The following GALK2 variants were observed in gnomAD, a reference collection of about 807,000 sequenced individuals.
GALK2 encodes the protein N-acetylgalactosamine kinase.
A neutral mutation model predicts 52.4 loss-of-function variants in GALK2; 36 were observed. That is an observed-to-expected ratio of 0.69 (90% CI 0.53 to 0.91). The LOEUF (loss-of-function observed/expected upper bound fraction) is 0.91, where lower values mean the gene tolerates loss of function less well. Among genes scored for constraint, GALK2 ranks in the 40% least tolerant of loss-of-function variants. GALK2 has a pLI of 0.00. For synonymous variants in GALK2, 176 were observed against 199.1 expected (o/e 0.88, Z 0.98); for missense variants, 579 against 559.1 (o/e 1.04, Z -0.36).
intron 3 of GALK2, among the ~76,000 whole-genome samples, chr15:49,355,399 G>A (rs922490843): frequency 6.6e-6 from 1 of 152,222 alleles, no homozygotes; most frequent in Non-Finnish European, 1.5e-5. Context: ...GCCTAAAGGA[G>A]CTAATGGAGC....
chr15:49,233,460 G>T (rs1189500122), intron 3 of GALK2, among the ~76,000 whole-genome samples: 1 of 152,156 alleles, frequency 6.6e-6, no homozygotes, highest in Non-Finnish European at 1.5e-5. Context: ...TTTCTGGAAC[G>T]TTGCTCATGT....
downstream of GALK2, among the ~76,000 whole-genome samples, chr15:49,333,382 A>G (rs2039154374): frequency 6.6e-6 from 1 of 152,194 alleles, no homozygotes; most frequent in Non-Finnish European, 1.5e-5. Context: ...GTATGTTTCA[A>G]CAATGTGCCA....
At chr15:49,167,147 A>T (rs549516943), upstream of GALK2, among the ~76,000 whole-genome samples, 1 of 152,152 alleles carries the variant, frequency 6.6e-6, no homozygotes, top group African/African-American at 2.4e-5. Flanking sequence ...ATAATATTTT[A>T]TCTGAATGGA....
At chr15:49,280,757 A>C (rs1241347798) in intron 5 of GALK2, among the ~76,000 whole-genome samples, 1 of 152,216 alleles carries the variant, frequency 6.6e-6, no homozygotes, top group Non-Finnish European at 1.5e-5. Context: ...ACTAACTTAA[A>C]TGTTTTAGGA....
At chr15:49,292,751 C>T (rs979383163) in intron 8 of GALK2, among the ~76,000 whole-genome samples, 1 of 152,142 alleles carries the variant, frequency 6.6e-6, no homozygotes, top group South Asian at 2.1e-4. Context: ...GACATGATTC[C>T]TGTCTTCCAG....
At chr15:49,208,786 A>G (rs1383201878) in intron 2 of GALK2, among the ~76,000 whole-genome samples, 1 of 152,086 alleles carries the variant, frequency 6.6e-6, no homozygotes, top group Non-Finnish European at 1.5e-5. Flanking sequence ...GTTGCTGTCT[A>G]TCTCATTTCT....
intron 1 of GALK2, among the ~76,000 whole-genome samples, chr15:49,162,878 T>G (rs143255422): frequency 6.6e-6 from 1 of 152,348 alleles, no homozygotes; most frequent in Non-Finnish European, 1.5e-5. Context: ...GAGCCTCAAA[T>G]AAGCCTTTGT....
intron 1 of GALK2, among the ~76,000 whole-genome samples, chr15:49,187,375 C>T (rs74708932): frequency 0.068 from 10,332 of 152,230 alleles, 743 homozygotes; most frequent in African/African-American, 0.17. Flanking sequence ...TGGGACTGCA[C>T]TGGGTCAGAC....
chr15:49,234,916 A>C (rs989018808), intron 3 of GALK2, among the ~76,000 whole-genome samples: 6 of 151,956 alleles, frequency 3.9e-5, no homozygotes, highest in African/African-American at 7.3e-5. Context: ...ACAGGCTCCC[A>C]CCACCACACC....
At chr15:49,229,698 A>AACT (rs2090393598) in intron 3 of GALK2, among the ~76,000 whole-genome samples, 1 of 152,088 alleles carries the variant, frequency 6.6e-6, no homozygotes, top group Non-Finnish European at 1.5e-5. Context: ...AGAGTGAACC[A>AACT]AGCCACCTAG....
At chr15:49,186,252 C>T (rs558166120) in intron 1 of GALK2, among the ~76,000 whole-genome samples, 3 of 152,168 alleles carry the variant, frequency 2.0e-5, no homozygotes, top group African/African-American at 7.2e-5. Context: ...TTAGACTTGC[C>T]CTTTACAGGC....
chr15:49,338,227 A>G (rs981238718), intron 3 of GALK2, among the ~76,000 whole-genome samples: 2 of 151,990 alleles, frequency 1.3e-5, no homozygotes, highest in African/African-American at 4.8e-5. Context: ...TATAGCATTG[A>G]TGGTCTTTAC....
At chr15:49,234,642 C>T (rs1379902095) in intron 3 of GALK2, among the ~76,000 whole-genome samples, 1 of 152,138 alleles carries the variant, frequency 6.6e-6, no homozygotes, top group Non-Finnish European at 1.5e-5. Context: ...ATGACAAAAG[C>T]ACAAGAAAGA....
intron 1 of GALK2, among the ~76,000 whole-genome samples, chr15:49,198,269 C>T (rs2087419497): frequency 6.6e-6 from 1 of 152,264 alleles, no homozygotes; most frequent in Middle Eastern, 3.4e-3. Flanking sequence ...CCACCTGGGC[C>T]TGTAATCCCA....
At chr15:49,342,331 G>A (rs2040858442) in intron 3 of GALK2, among the ~76,000 whole-genome samples, 1 of 152,024 alleles carries the variant, frequency 6.6e-6, no homozygotes, top group Admixed American at 6.6e-5. Context: ...TGTTTTATCT[G>A]GTATAAGAAT....
intron 1 of GALK2, 61 bp from the exon 2 acceptor site, chr15:49,201,101 T>C: frequency 3.7e-6 from 3 of 802,860 alleles, no homozygotes; most frequent in Non-Finnish European, 6.5e-6. Context: ...TATGTGTGTG[T>C]ATGTTATGTT....
chr15:49,322,264 T>G (rs979943474), intron 9 of GALK2, among the ~76,000 whole-genome samples: 1 of 152,226 alleles, frequency 6.6e-6, no homozygotes. Context: ...ATTCAGGAGC[T>G]CCATCACTTT....
At chr15:49,208,248 G>A (rs988008419) in intron 2 of GALK2, among the ~76,000 whole-genome samples, 5 of 152,188 alleles carry the variant, frequency 3.3e-5, no homozygotes, top group Admixed American at 3.3e-4. Context: ...ACCTTAGATT[G>A]TCTGTTTGTG....
downstream of GALK2, among the ~76,000 whole-genome samples, chr15:49,336,144 T>C (rs1215868812): frequency 6.6e-6 from 1 of 152,214 alleles, no homozygotes; most frequent in Admixed American, 6.5e-5. Flanking sequence ...TAAAGACTCT[T>C]TAATTCTAAG....
Sources: allele counts gnomAD v4.1 joint callset (sites outside exome capture counted in the v4.1 genomes callset), GRCh38; gene constraint gnomAD v4.1.1; transcripts MANE v1.5; gene names NCBI Gene and HGNC (gene_info 2026-07-23, HGNC 2026-07-21).